The following NOX4 variants were observed in gnomAD, a reference collection of about 807,000 sequenced individuals.
The protein encoded by NOX4 is kidney oxidase-1.
NOX4 carries 69 observed loss-of-function variants against 87.6 expected under a neutral mutation model. The ratio of observed to expected loss-of-function variants is 0.79; its 90% CI spans 0.65 to 0.96. The LOEUF is 0.96. Among genes scored for constraint, NOX4 ranks in the 40% least tolerant of loss-of-function variants. The pLI, the probability that NOX4 is intolerant of heterozygous loss-of-function variation, is 0.00. For synonymous variants in NOX4, 275 were observed against 238.2 expected, an observed-to-expected ratio of 1.15 and a Z score of -1.42; for missense variants, 680 against 681.5, an observed-to-expected ratio of 1.00 and a Z score of 0.02.
upstream of NOX4, among the ~76,000 whole-genome samples, chr11:89,496,100 G>A (rs779020268): frequency 3.9e-5 from 6 of 152,162 alleles, no homozygotes; most frequent in Admixed American, 6.5e-5. Context: ...GGGAAAAGTG[G>A]TCCAAAGGCT....
At chr11:89,378,509 T>G (rs1940032263) in intron 11 of NOX4, among the ~76,000 whole-genome samples, 1 of 152,274 alleles carries the variant, frequency 6.6e-6, no homozygotes, top group East Asian at 1.9e-4. Flanking sequence ...TTTTCTATAT[T>G]AATAAACTGT....
chr11:89,347,381 A>G (rs528867706), intron 13 of NOX4, among the ~76,000 whole-genome samples: 20 of 152,344 alleles, frequency 1.3e-4, no homozygotes, highest in Admixed American at 1.2e-3. Context: ...GCTTTGAGAA[A>G]TGGCAGAACA....
intron 8 of NOX4, among the ~76,000 whole-genome samples, chr11:89,411,712 A>C (rs1942486928): frequency 3.3e-5 from 5 of 152,152 alleles, no homozygotes; most frequent in Admixed American, 3.3e-4. Flanking sequence ...ACCCCAGAGA[A>C]AATCACCTTC....
chr11:89,378,858 C>A (rs1382410720), intron 11 of NOX4, among the ~76,000 whole-genome samples: 1 of 152,122 alleles, frequency 6.6e-6, no homozygotes, highest in Non-Finnish European at 1.5e-5. Flanking sequence ...GAGAGGAGAT[C>A]ACGCGGAGCA....
chr11:89,391,477 G>A (rs963413491), intron 11 of NOX4, among the ~76,000 whole-genome samples: 3 of 152,036 alleles, frequency 2.0e-5, no homozygotes, highest in Non-Finnish European at 2.9e-5. Context: ...TGGGATTGGC[G>A]GCATGGGGTG....
At chr11:89,415,488 C>T (rs1942713817) in intron 8 of NOX4, among the ~76,000 whole-genome samples, 1 of 152,068 alleles carries the variant, frequency 6.6e-6, no homozygotes, top group Admixed American at 6.6e-5. Flanking sequence ...AACTTCAGTT[C>T]CATATTTTTT....
At chr11:89,575,644 GC>G in the NOX4 span, among the ~76,000 whole-genome samples, 1 of 152,008 alleles carries the variant, frequency 6.6e-6, no homozygotes, top group Non-Finnish European at 1.5e-5. Context: ...AGTAGGAGCT[GC>G]CCCTTTTTGT....
chr11:89,337,462 T>A lies in NOX4; in HGVS notation c.1500A>T (p.Gln500His). The change falls in exon 16 of 18, where the codon CAA becomes CAT. Residue 500 changes from glutamine to histidine, a missense_variant. Transcript: ENST00000263317. ...AACCACATACCTGTATCCCATCTGT[T>A]TGACTGAGGTACAGCTGGATGTTGA... ...DYVNIQLYLSQTDGIQKIIGE... is the reference protein window; with the variant it reads ...DYVNIQLYLSHTDGIQKIIGE... 1.2e-6 allele frequency: 2 copies of A among 1,612,326 alleles called. No homozygotes were observed. The highest frequency in any genetic ancestry group is 1.7e-6 in the Non-Finnish European group (2 of 1,178,790).
intron 12 of NOX4, among the ~76,000 whole-genome samples, chr11:89,355,262 A>G (rs1270003417): frequency 2.7e-5 from 4 of 149,234 alleles, no homozygotes; most frequent in African/African-American, 4.9e-5. Flanking sequence ...TAATATTTTA[A>G]TCATAAATAT....
the NOX4 span, among the ~76,000 whole-genome samples, chr11:89,522,373 T>TTATCTTAA: frequency 6.6e-6 from 1 of 152,176 alleles, no homozygotes; most frequent in Non-Finnish European, 1.5e-5. Context: ...AGAATGCAGC[T>TTATCTTAA]GGAGGCCATT....
intron 2 of NOX4, among the ~76,000 whole-genome samples, chr11:89,467,034 G>A (rs1175177607): frequency 6.6e-6 from 1 of 152,052 alleles, no homozygotes; most frequent in African/African-American, 2.4e-5. Flanking sequence ...GAGCTCGCTG[G>A]ACTTTGTAGG....
chr11:89,489,108 G>T, intron 2 of NOX4: 2 of 638,336 alleles, frequency 3.1e-6, no homozygotes, highest in South Asian at 1.8e-5. Context: ...GTGATCAACA[G>T]ATTATGATAT....
intron 2 of NOX4, among the ~76,000 whole-genome samples, chr11:89,453,282 G>A (rs191446565): frequency 1.8e-4 from 27 of 152,200 alleles, no homozygotes; most frequent in African/African-American, 5.8e-4. Flanking sequence ...GATTCAAAAT[G>A]TAAGTGAGAT....
intron 11 of NOX4, among the ~76,000 whole-genome samples, chr11:89,392,400 C>G (rs1198529457): frequency 6.6e-6 from 1 of 152,130 alleles, no homozygotes; most frequent in Admixed American, 6.6e-5. Context: ...CCTCATATAA[C>G]TAATGGAGCT....
intron 17 of NOX4, among the ~76,000 whole-genome samples, chr11:89,333,542 T>A (rs1182726616): frequency 1.3e-5 from 2 of 151,776 alleles, no homozygotes; most frequent in South Asian, 2.1e-4. Context: ...GTATTCTACA[T>A]AGTATACTAA....
chr11:89,505,214 A>T, the NOX4 span, among the ~76,000 whole-genome samples: 3 of 151,904 alleles, frequency 2.0e-5, no homozygotes, highest in Non-Finnish European at 4.4e-5. Flanking sequence ...TTTTTAAGTT[A>T]GAAATCATTA....
At chr11:89,342,586 A>T (rs78378788) in intron 13 of NOX4, among the ~76,000 whole-genome samples, 2 of 152,042 alleles carry the variant, frequency 1.3e-5, no homozygotes, top group African/African-American at 2.4e-5. Flanking sequence ...TTCAATAAAC[A>T]TTTTTTCAAT....
intron 7 of NOX4, among the ~76,000 whole-genome samples, chr11:89,432,519 G>T (rs1476501915): frequency 6.6e-6 from 1 of 151,946 alleles, no homozygotes; most frequent in Non-Finnish European, 1.5e-5. Flanking sequence ...TCCTTCAAAA[G>T]ATACTCAAAT....
At chr11:89,431,362 A>G (rs1051851261) in intron 7 of NOX4, among the ~76,000 whole-genome samples, 2 of 152,212 alleles carry the variant, frequency 1.3e-5, no homozygotes, top group Admixed American at 1.3e-4. Context: ...ATGGGATCTA[A>G]TTAAACTAAA....
Sources: allele counts gnomAD v4.1 joint callset (sites outside exome capture counted in the v4.1 genomes callset), GRCh38; gene constraint gnomAD v4.1.1; transcripts MANE v1.5; gene names NCBI Gene and HGNC (gene_info 2026-07-23, HGNC 2026-07-21).